CAMKMT: variants seen among roughly 807,000 people sequenced by gnomAD.
CAMKMT encodes the protein CaM KMT.
In CAMKMT, 53 loss-of-function variants were observed where a neutral mutation model predicts 48.0. The observed-to-expected ratio is 1.10, with a 90% CI of 0.89 to 1.39. The LOEUF (loss-of-function observed/expected upper bound fraction) is 1.39. CAMKMT is among the 40% of genes most tolerant of loss of function. The pLI is 0.00. For missense variants in CAMKMT, 428 were observed against 402.7 expected (o/e 1.06, Z -0.54); for synonymous variants, 165 against 152.3 (o/e 1.08, Z -0.61).
intron 3 of CAMKMT, among the ~76,000 whole-genome samples, chr2:44,683,900 T>G (rs1263970393): frequency 6.6e-6 from 1 of 150,806 alleles, no homozygotes; most frequent in Non-Finnish European, 1.5e-5. Context: ...TCCTGATAAG[T>G]AAACACGATT....
intron 3 of CAMKMT, among the ~76,000 whole-genome samples, chr2:44,548,781 C>T (rs1309775054): frequency 6.6e-6 from 1 of 152,034 alleles, no homozygotes; most frequent in African/African-American, 2.4e-5. Flanking sequence ...GAAATGGGGA[C>T]CTCAATTCTA....
At chr2:44,631,671 T>C (rs184825370) in intron 3 of CAMKMT, 1 of 414,476 alleles carries the variant, frequency 2.4e-6, no homozygotes, top group African/African-American at 2.1e-5. Flanking sequence ...AAGTTTTTCT[T>C]TTTAATTGTA....
chr2:44,485,106 A>T (rs536050076), intron 3 of CAMKMT, among the ~76,000 whole-genome samples: 3 of 152,198 alleles, frequency 2.0e-5, no homozygotes, highest in Non-Finnish European at 4.4e-5. Context: ...ACTCATATAC[A>T]CTACTAATGG....
intron 3 of CAMKMT, among the ~76,000 whole-genome samples, chr2:44,415,215 G>C (rs1293594407): frequency 6.6e-6 from 1 of 152,152 alleles, no homozygotes; most frequent in Non-Finnish European, 1.5e-5. Flanking sequence ...CAGATCACTT[G>C]GTGTTAGGCC....
chr2:44,737,738 T>TTC (rs563665419), intron 7 of CAMKMT, among the ~76,000 whole-genome samples: 47 of 150,816 alleles, frequency 3.1e-4, no homozygotes, highest in Non-Finnish European at 6.1e-4. Context: ...ATCTCCAGAG[T>TTC]TCTCTCTCTC....
At chr2:44,749,913 A>G (rs1420605130) in intron 8 of CAMKMT, among the ~76,000 whole-genome samples, 2 of 152,178 alleles carry the variant, frequency 1.3e-5, no homozygotes, top group East Asian at 3.9e-4. Flanking sequence ...AGGCCAAATC[A>G]GAAGGGTCTG....
intron 3 of CAMKMT, among the ~76,000 whole-genome samples, chr2:44,662,281 A>G (rs559282882): frequency 6.6e-6 from 1 of 152,332 alleles, no homozygotes; most frequent in South Asian, 2.1e-4. Flanking sequence ...TCTTAAAAGT[A>G]TGATGCCTAG....
At chr2:44,632,536 G>A (rs1359388927) in intron 3 of CAMKMT, among the ~76,000 whole-genome samples, 3 of 152,088 alleles carry the variant, frequency 2.0e-5, no homozygotes, top group African/African-American at 7.2e-5. Context: ...CTTTTTTTGT[G>A]TGACAAGAGC....
chr2:44,422,195 C>G (rs1301073393), intron 3 of CAMKMT, among the ~76,000 whole-genome samples: 1 of 152,154 alleles, frequency 6.6e-6, no homozygotes, highest in Non-Finnish European at 1.5e-5. Flanking sequence ...TGTAGCTCCT[C>G]GCTTGCACTG....
chr2:44,379,448 A>C (rs1429265155), intron 2 of CAMKMT, among the ~76,000 whole-genome samples: 2 of 152,150 alleles, frequency 1.3e-5, no homozygotes, highest in African/African-American at 2.4e-5. Context: ...TTGCTGGGTC[A>C]TGTGGTATCT....
At chr2:44,567,571 G>T (rs1224594907) in intron 3 of CAMKMT, among the ~76,000 whole-genome samples, 1 of 152,132 alleles carries the variant, frequency 6.6e-6, no homozygotes, top group African/African-American at 2.4e-5. Context: ...ATGAAAGTAG[G>T]GTCCCATTTG....
chr2:44,533,862 G>A (rs1666620347), intron 3 of CAMKMT, among the ~76,000 whole-genome samples: 2 of 152,132 alleles, frequency 1.3e-5, no homozygotes, highest in African/African-American at 4.8e-5. Context: ...ACAATTAACA[G>A]TATAACAGGA....
intron 3 of CAMKMT, among the ~76,000 whole-genome samples, chr2:44,404,920 G>A (rs368885937): frequency 1.3e-5 from 2 of 151,920 alleles, no homozygotes; most frequent in Middle Eastern, 3.2e-3. Flanking sequence ...AAATGCTGGT[G>A]GTTACTATAT....
chr2:44,623,299 T>C (rs1230030506), intron 3 of CAMKMT, among the ~76,000 whole-genome samples: 3 of 152,302 alleles, frequency 2.0e-5, no homozygotes, highest in South Asian at 4.2e-4. Flanking sequence ...TGATGGTGTT[T>C]CTCTTGCTGT....
chr2:44,493,153 C>A (rs1421612596), intron 3 of CAMKMT, among the ~76,000 whole-genome samples: 1 of 151,996 alleles, frequency 6.6e-6, no homozygotes, highest in East Asian at 1.9e-4. Context: ...CCTCAGGCTT[C>A]CAAAGTGCTG....
chr2:44,384,721 C>G (rs1253827840), intron 2 of CAMKMT, among the ~76,000 whole-genome samples: 1 of 151,984 alleles, frequency 6.6e-6, no homozygotes, highest in Non-Finnish European at 1.5e-5. Context: ...ATTCCAGCAC[C>G]ATTTGTTGAA....
intron 6 of CAMKMT, among the ~76,000 whole-genome samples, chr2:44,709,478 G>A (rs1218866296): frequency 6.6e-6 from 1 of 151,952 alleles, no homozygotes; most frequent in Non-Finnish European, 1.5e-5. Context: ...TTTTAATTAA[G>A]AGAAAAAGCA....
At chr2:44,380,436 C>G in intron 2 of CAMKMT, among the ~76,000 whole-genome samples, 1 of 152,024 alleles carries the variant, frequency 6.6e-6, no homozygotes, top group Middle Eastern at 3.2e-3. Flanking sequence ...TGAGCAGTTT[C>G]TTTTGTTATA....
chr2:44,475,590 C>T (rs769396478), intron 3 of CAMKMT, among the ~76,000 whole-genome samples: 2 of 152,098 alleles, frequency 1.3e-5, no homozygotes, highest in East Asian at 1.9e-4. Context: ...GCTGGGATTA[C>T]AGGCATGAGC....
Sources: allele counts gnomAD v4.1 joint callset (sites outside exome capture counted in the v4.1 genomes callset), GRCh38; gene constraint gnomAD v4.1.1; transcripts MANE v1.5; gene names NCBI Gene and HGNC (gene_info 2026-07-23, HGNC 2026-07-21).